ANK3: variants seen among roughly 807,000 people sequenced by gnomAD.
The protein encoded by ANK3 is ankyrin-3.
In ANK3, 57 loss-of-function variants were observed where a neutral mutation model predicts 370.9. The observed-to-expected ratio is 0.15, with a 90% confidence interval of 0.12 to 0.19. The LOEUF (loss-of-function observed/expected upper bound fraction) is 0.19, where lower values mean the gene tolerates loss of function less well. ANK3 is among the 10% of genes least tolerant of loss of function. The pLI is 1.00. For missense variants in ANK3, 4,439 were observed against 5,302.1 expected, an observed-to-expected ratio of 0.84 and a Z score of 5.06; for synonymous variants, 1,929 against 1,946.3, an observed-to-expected ratio of 0.99 and a Z score of 0.23.
Position 60,139,091 on chromosome 10 carries a change from C to A in ANK3, c.2615-4G>T. 6.2e-7 allele frequency: 1 copy of A among 1,613,332 alleles called. No homozygotes were observed. The highest frequency in any genetic ancestry group is 8.5e-7 in the Non-Finnish European group (1 of 1,179,624). On this transcript the variant is annotated splice_polypyrimidine_tract_variant and splice_region_variant and intron_variant, in intron 23 of 43. Coordinates refer to ENST00000280772, the MANE Select transcript of ANK3 (RefSeq NM_020987.5). ...TCCCCGGTCATTGCATCTTCACCTG[C>A]AGATGTAGAGAGTAAGCCCACATCA... is the stretch of plus-strand genomic sequence containing the variant.
intron 1 of ANK3, among the ~76,000 whole-genome samples, chr10:60,639,810 T>G: frequency 6.6e-6 from 1 of 151,866 alleles, no homozygotes. Context: ...ACAGAACATA[T>G]GGATCAAATA....
intron 2 of ANK3, among the ~76,000 whole-genome samples, chr10:60,555,293 G>A (rs1247551779): frequency 6.6e-6 from 1 of 151,918 alleles, no homozygotes; most frequent in East Asian, 1.9e-4. Context: ...GCAACATAGT[G>A]AGACTCCCAT....
chr10:60,573,732 A>G (rs546360647), intron 2 of ANK3, among the ~76,000 whole-genome samples: 1 of 152,320 alleles, frequency 6.6e-6, no homozygotes, highest in Admixed American at 6.5e-5. Flanking sequence ...GGAAAGCATA[A>G]GGTTCTAGGA....
chr10:60,037,191 C>G (rs1021920260), intron 43 of ANK3, among the ~76,000 whole-genome samples: 1 of 152,180 alleles, frequency 6.6e-6, no homozygotes, highest in African/African-American at 2.4e-5. Flanking sequence ...AAGTTCCTAA[C>G]TGGTTACCTT....
At chr10:60,720,567 T>G (rs565235217) in intron 1 of ANK3, among the ~76,000 whole-genome samples, 7 of 152,312 alleles carry the variant, frequency 4.6e-5, no homozygotes, top group Non-Finnish European at 7.3e-5. Context: ...TTGCAAAATC[T>G]TATATATCTA....
intron 18 of ANK3, among the ~76,000 whole-genome samples, chr10:60,174,966 T>A (rs1437745168): frequency 6.6e-6 from 1 of 152,190 alleles, no homozygotes; most frequent in Admixed American, 6.5e-5. Context: ...GTGATCTTCC[T>A]GCCTTGGCCT....
intron 1 of ANK3, among the ~76,000 whole-genome samples, chr10:60,348,347 CAAAAAA>C (rs35147179): frequency 4.4e-5 from 3 of 68,162 alleles, no homozygotes; most frequent in African/African-American, 1.3e-4. Context: ...TATCACTAGC[CAAAAAA>C]AAAAAAAAAA....
chr10:60,651,049 T>C (rs1250809710), intron 1 of ANK3, among the ~76,000 whole-genome samples: 5 of 152,154 alleles, frequency 3.3e-5, no homozygotes, highest in Non-Finnish European at 5.9e-5. Context: ...TGAGCTGTGG[T>C]TGAGCCACTG....
At chr10:60,327,896 T>C (rs1190558509) in intron 1 of ANK3, among the ~76,000 whole-genome samples, 2 of 152,090 alleles carry the variant, frequency 1.3e-5, no homozygotes, top group African/African-American at 2.4e-5. Flanking sequence ...CAGGTTCGCA[T>C]ACTACTGTTT....
chr10:60,564,733 T>C (rs1442551), intron 2 of ANK3, among the ~76,000 whole-genome samples: 103,493 of 152,020 alleles, frequency 0.68, 35,885 homozygotes, highest in South Asian at 0.88. Context: ...GCTATGGTGG[T>C]CTGGTAGAAA....
At chr10:60,602,984 T>TA (rs113419119) in intron 2 of ANK3, among the ~76,000 whole-genome samples, 2 of 152,100 alleles carry the variant, frequency 1.3e-5, no homozygotes, top group African/African-American at 4.8e-5. Flanking sequence ...TAAAGGGATC[T>TA]AAAAAAAGGG....
At chr10:60,572,619 C>A (rs889052339) in intron 2 of ANK3, 1 of 1,502,026 alleles carries the variant, frequency 6.7e-7, no homozygotes, top group Admixed American at 2.2e-5. Flanking sequence ...GCATTGAGAC[C>A]AAAGTCCATT....
Position 60,134,267 on chromosome 10 carries a change from A to G in ANK3, c.2841+4T>C. 2 of 1,611,592 alleles carry G rather than the reference A, an allele frequency of 1.2e-6. No homozygotes were observed. Among genetic ancestry groups the G allele is most frequent in the Admixed American group, 1.7e-5 (1 of 59,808 alleles). ...TCAAAGGCTATTTTGAAAAGAATGCATACCTGCTCTTTGGATGGCACAAGG... is the reference window on the plus strand; with the variant it reads ...TCAAAGGCTATTTTGAAAAGAATGCGTACCTGCTCTTTGGATGGCACAAGG... On this transcript the variant is annotated splice_donor_region_variant and intron_variant, in intron 25 of 43. Transcript: ENST00000280772.
At chr10:60,190,668 G>A (rs1438509666) in intron 16 of ANK3, among the ~76,000 whole-genome samples, 1 of 152,110 alleles carries the variant, frequency 6.6e-6, no homozygotes, top group African/African-American at 2.4e-5. Context: ...GGAGGGAAAA[G>A]CCAAAGATTC....
chr10:60,395,617 G>A (rs59644679), intron 2 of ANK3, among the ~76,000 whole-genome samples: 3,380 of 60,250 alleles, frequency 0.056, 193 homozygotes, highest in African/African-American at 0.16. Context: ...TCTCTCTTTC[G>A]TTCTCTCTCT....
intron 24 of ANK3, among the ~76,000 whole-genome samples, chr10:60,135,555 C>T (rs539800057): frequency 6.6e-6 from 1 of 152,186 alleles, no homozygotes; most frequent in African/African-American, 2.4e-5. Context: ...GAAGCTAGCA[C>T]CTTTCACTTC....
intron 2 of ANK3, among the ~76,000 whole-genome samples, chr10:60,612,554 C>G (rs191750886): frequency 6.6e-6 from 1 of 152,150 alleles, no homozygotes; most frequent in Admixed American, 6.6e-5. Flanking sequence ...TGCAGTGGCG[C>G]GATCTCGGCT....
intron 2 of ANK3, among the ~76,000 whole-genome samples, chr10:60,410,901 C>T (rs370582463): frequency 6.6e-5 from 10 of 152,028 alleles, no homozygotes; most frequent in African/African-American, 1.9e-4. Flanking sequence ...CTTGAACTCC[C>T]GGCCTCAGGC....
At chr10:60,548,390 G>T (rs150198675) in intron 2 of ANK3, among the ~76,000 whole-genome samples, 1 of 151,336 alleles carries the variant, frequency 6.6e-6, no homozygotes, top group Non-Finnish European at 1.5e-5. Context: ...TTGTGTGTGC[G>T]TGTTTTTTTT....
Sources: gnomAD v4.1 joint callset for allele counts (sites outside exome capture counted in the v4.1 genomes callset) on GRCh38, gnomAD v4.1.1 for gene constraint, MANE v1.5 for transcripts, NCBI Gene and HGNC (gene_info 2026-07-23, HGNC 2026-07-21) for gene names.